Variants in EPB41L4A observed in about 807,000 individuals in gnomAD.
EPB41L4A encodes band 4.1-like protein 4A.
EPB41L4A carries 100 observed loss-of-function variants against 108.6 expected under a neutral mutation model. That is an observed-to-expected ratio of 0.92 (90% CI 0.78 to 1.09). The LOEUF is 1.09. Ranked by LOEUF, EPB41L4A falls within the 50% of genes least tolerant of loss-of-function variation. EPB41L4A has a pLI of 0.00. For missense variants in EPB41L4A, 1,030 were observed against 842.7 expected (o/e 1.22, Z -2.75); for synonymous variants, 319 against 289.0 (o/e 1.10, Z -1.05).
rs79272347 is a variant in EPB41L4A, at chr5:112,336,142, G to A, written c.100-28652C>T. Among the ~76,000 whole-genome samples the A allele has an allele frequency of 5.2e-3, 785 of 152,290 alleles. 11 individuals carry two copies. The highest frequency in any genetic ancestry group is 0.018 in the African/African-American group (751 of 41,546). On this transcript the variant is annotated intron_variant, in intron 1 of 22. Coordinates refer to ENST00000261486, the MANE Select transcript of EPB41L4A (RefSeq NM_022140.5). The stretch of plus-strand genomic sequence containing the variant: ...AAGAAAGAGGGAAACACAAGTGAAG[G>A]CACAAAGGAGTATGAGAAAGCAGTC...
chr5:112,275,410 A>G lies in EPB41L4A; in HGVS notation c.257-6T>C. On this transcript the variant is annotated splice_region_variant and splice_polypyrimidine_tract_variant and intron_variant, in intron 3 of 22. Transcript: ENST00000261486. ...CAAAGTATATGGAGGTCCAGCTAAAATAAGAAATAGAAATTAAATTTCACT... is the reference window on the plus strand; with the variant it reads ...CAAAGTATATGGAGGTCCAGCTAAAGTAAGAAATAGAAATTAAATTTCACT... 1 of 1,531,554 alleles carries G rather than the reference A, an allele frequency of 6.5e-7. No homozygotes were observed. Among genetic ancestry groups the G allele is most frequent in the Non-Finnish European group, 8.8e-7 (1 of 1,133,820 alleles). 94.9% of individuals were successfully genotyped at this position (1,531,554 alleles called of 1,614,324 possible).
intron 1 of EPB41L4A, among the ~76,000 whole-genome samples, chr5:112,354,115 A>G (rs1228340836): frequency 6.6e-6 from 1 of 152,236 alleles, no homozygotes; most frequent in Non-Finnish European, 1.5e-5. Context: ...TGCAAAACAA[A>G]GATAGTAAGA....
chr5:112,393,474 T>A (rs1264713082), intron 1 of EPB41L4A, among the ~76,000 whole-genome samples: 2 of 152,000 alleles, frequency 1.3e-5, no homozygotes, highest in African/African-American at 4.8e-5. Flanking sequence ...TCTACGCAAA[T>A]AAACTAGAAA....
chr5:112,194,544 T>A (rs1208143298), intron 17 of EPB41L4A, 24 bp downstream of exon 17: 2 of 1,378,126 alleles, frequency 1.5e-6, no homozygotes. Flanking sequence ...AGAGTGCCAG[T>A]TAATTATAAT....
intron 12 of EPB41L4A, among the ~76,000 whole-genome samples, chr5:112,214,315 A>C (rs1466412908): frequency 2.0e-5 from 3 of 152,246 alleles, no homozygotes; most frequent in African/African-American, 7.2e-5. Flanking sequence ...AATTTCAGGC[A>C]CTGTTCCAGA....
Position 112,259,992 on chromosome 5 carries a change from A to C in EPB41L4A, c.643-13T>G, listed in dbSNP as rs1378882266. 1 of 1,558,874 alleles carries C rather than the reference A, an allele frequency of 6.4e-7. No individual in the cohort carries two copies. The highest frequency in any genetic ancestry group is 2.2e-5 in the East Asian group (1 of 44,576). ...ACTTGTTTTCTCCCTGCAAAAACAA[A>C]CATATGCCTATAACCACATATTCAC... On this transcript the variant is annotated splice_polypyrimidine_tract_variant and intron_variant, in intron 7 of 22. Transcript: ENST00000261486.
chr5:112,308,101 A>G (rs557532599), intron 1 of EPB41L4A, among the ~76,000 whole-genome samples: 1 of 152,282 alleles, frequency 6.6e-6, no homozygotes, highest in South Asian at 2.1e-4. Flanking sequence ...ATAACTACCT[A>G]AAAAGCTAAT....
chr5:112,369,491 C>G (rs1759346437), intron 1 of EPB41L4A, among the ~76,000 whole-genome samples: 1 of 152,204 alleles, frequency 6.6e-6, no homozygotes, highest in Non-Finnish European at 1.5e-5. Context: ...GTCCCATCTA[C>G]TTATCCTATC....
Position 112,165,070 on chromosome 5 carries a change from A to T in EPB41L4A, c.1981T>A (p.Ser661Thr). The T allele has an allele frequency of 6.2e-7, 1 of 1,613,508 alleles. No individual in the cohort carries two copies. Among genetic ancestry groups the T allele is most frequent in the Non-Finnish European group, 8.5e-7 (1 of 1,179,614 alleles). Reference sequence around the variant, plus strand: ...TGTTTTCCAGCCAGGTTGTTTGTAGATGTCTGAGGTTTTTCTTCCATCAGG... The same window carrying T: ...TGTTTTCCAGCCAGGTTGTTTGTAGTTGTCTGAGGTTTTTCTTCCATCAGG... ...DSLMEEKPQT[S>T]TNNLAGKHTA... The change falls in exon 23 of 23, where the codon TCT (serine) becomes ACT (threonine). Residue 661 changes from serine (S) to threonine (T), a missense_variant. Ser to Thr is a moderately conservative substitution (Grantham distance 58). Transcript: ENST00000261486.
chr5:112,214,274 A>G (rs1214500726), intron 12 of EPB41L4A, among the ~76,000 whole-genome samples: 1 of 152,246 alleles, frequency 6.6e-6, no homozygotes, highest in Admixed American at 6.5e-5. Flanking sequence ...AAGACCAAAT[A>G]TTAACTAAAA....
chr5:112,172,022 C>G (rs995078853), intron 18 of EPB41L4A, among the ~76,000 whole-genome samples: 2 of 152,092 alleles, frequency 1.3e-5, no homozygotes, highest in African/African-American at 4.8e-5. Context: ...CCTGAACCTA[C>G]AGAATACACT....
intron 1 of EPB41L4A, among the ~76,000 whole-genome samples, chr5:112,380,500 C>T (rs1455398633): frequency 6.6e-6 from 1 of 151,996 alleles, no homozygotes; most frequent in Non-Finnish European, 1.5e-5. Flanking sequence ...TACTTTTTCT[C>T]ATCCATAATG....
At chr5:112,227,486 C>G (rs1748549628) in intron 12 of EPB41L4A, among the ~76,000 whole-genome samples, 2 of 152,166 alleles carry the variant, frequency 1.3e-5, no homozygotes, top group South Asian at 4.1e-4. Flanking sequence ...ATCCCCATGA[C>G]AGCAACTCAT....
At chr5:112,311,849 C>G (rs1431924477) in intron 1 of EPB41L4A, among the ~76,000 whole-genome samples, 3 of 152,168 alleles carry the variant, frequency 2.0e-5, no homozygotes, top group African/African-American at 7.2e-5. Context: ...TCTAATCTCA[C>G]TTATGGGTCC....
At chr5:112,287,922 G>A (rs1248644985) in intron 2 of EPB41L4A, among the ~76,000 whole-genome samples, 2 of 152,166 alleles carry the variant, frequency 1.3e-5, no homozygotes, top group Admixed American at 1.3e-4. Context: ...TAAGAAGAGA[G>A]AGATAAGCTA....
At chr5:112,220,178 T>TA (rs1336697734) in intron 12 of EPB41L4A, among the ~76,000 whole-genome samples, 1 of 152,242 alleles carries the variant, frequency 6.6e-6, no homozygotes, top group Non-Finnish European at 1.5e-5. Context: ...GAGGTATATG[T>TA]AATGTATTCT....
intron 1 of EPB41L4A, among the ~76,000 whole-genome samples, chr5:112,371,254 G>A (rs956451755): frequency 4.6e-5 from 7 of 152,150 alleles, no homozygotes; most frequent in South Asian, 2.1e-4. Flanking sequence ...CCTGCTTAGC[G>A]TTTTAAATAT....
At chr5:112,148,906 T>A (rs983852578) in intron 12 of EPB41L4A, among the ~76,000 whole-genome samples, 1 of 152,230 alleles carries the variant, frequency 6.6e-6, no homozygotes, top group African/African-American at 2.4e-5. Flanking sequence ...CACTAAGAAC[T>A]GTTTCTGAGT....
At chr5:112,348,146 C>G (rs1033178604) in intron 1 of EPB41L4A, among the ~76,000 whole-genome samples, 2 of 152,158 alleles carry the variant, frequency 1.3e-5, no homozygotes, top group African/African-American at 2.4e-5. Context: ...CTCCCTCCAC[C>G]TGAATTGCCT....
Sources: allele counts gnomAD v4.1 joint callset (sites outside exome capture counted in the v4.1 genomes callset), GRCh38; gene constraint gnomAD v4.1.1; transcripts MANE v1.5; gene names NCBI Gene and HGNC (gene_info 2026-07-23, HGNC 2026-07-21).